FBN1: variants seen among roughly 807,000 people sequenced by gnomAD.
The protein encoded by FBN1 is fibrillin-1.
FBN1 carries 29 observed loss-of-function variants against 365.1 expected under a neutral mutation model. The ratio of observed to expected loss-of-function variants is 0.08; its 90% CI spans 0.06 to 0.11. FBN1 has a LOEUF of 0.11. Among genes scored for constraint, FBN1 ranks in the 10% least tolerant of loss-of-function variants. FBN1 has a pLI of 1.00. For synonymous variants in FBN1, 1,210 were observed against 1,270.5 expected (o/e 0.95, Z 1.01); for missense variants, 2,476 against 3,703.2 (o/e 0.67, Z 8.60).
At chr15:48,557,339 C>A (rs1566926484) in intron 6 of FBN1, among the ~76,000 whole-genome samples, 1 of 152,160 alleles carries the variant, frequency 6.6e-6, no homozygotes, top group Non-Finnish European at 1.5e-5. Flanking sequence ...CAAGTTTCCT[C>A]CTGGTCTAGT....
chr15:48,519,288 C>T (rs2043831199), intron 10 of FBN1, among the ~76,000 whole-genome samples: 1 of 152,142 alleles, frequency 6.6e-6, no homozygotes, highest in Non-Finnish European at 1.5e-5. Flanking sequence ...ATTCATTGTG[C>T]ACAACGTGAT....
intron 6 of FBN1, among the ~76,000 whole-genome samples, chr15:48,560,064 C>G (rs535964356): frequency 3.3e-5 from 5 of 152,102 alleles, no homozygotes; most frequent in South Asian, 2.1e-4. Flanking sequence ...CCACTAAAGG[C>G]GACTCAAATT....
intron 32 of FBN1, among the ~76,000 whole-genome samples, chr15:48,477,172 C>T (rs1417709769): frequency 6.6e-6 from 1 of 152,050 alleles, no homozygotes; most frequent in Non-Finnish European, 1.5e-5. Context: ...CTTTTACCTT[C>T]CATGTTTAAT....
chr15:48,607,808 G>A (rs2044626168), intron 4 of FBN1, among the ~76,000 whole-genome samples: 1 of 152,208 alleles, frequency 6.6e-6, no homozygotes, highest in African/African-American at 2.4e-5. Flanking sequence ...TTGAATGTGT[G>A]TATACACATA....
intron 27 of FBN1, 67 bp downstream of exon 27, chr15:48,488,046 G>C: frequency 6.2e-7 from 1 of 1,603,658 alleles, no homozygotes. Context: ...TGGAACATAG[G>C]CTATGAGCCA....
At chr15:48,506,887 AT>A (rs1181060538) in intron 15 of FBN1, among the ~76,000 whole-genome samples, 1 of 152,188 alleles carries the variant, frequency 6.6e-6, no homozygotes, top group African/African-American at 2.4e-5. Flanking sequence ...CTAGAAAAAA[AT>A]AAGACATTGA....
At chr15:48,600,260 C>G in intron 4 of FBN1, 26 bp from the exon 5 acceptor site, 3 of 1,567,856 alleles carry the variant, frequency 1.9e-6, no homozygotes, top group Non-Finnish European at 2.6e-6. Context: ...GAAGAATTCA[C>G]TTTTGCAACT....
At chr15:48,415,826 A>T in intron 63 of FBN1, 59 bp from the exon 64 acceptor site, 2 of 1,443,206 alleles carry the variant, frequency 1.4e-6, no homozygotes, top group African/African-American at 1.4e-5. Flanking sequence ...TATTGAGGAC[A>T]TTGGATCTGG....
In FBN1 at chr15:48,474,560, G is replaced by A; in HGVS notation, c.4055C>T (p.Pro1352Leu). 6.2e-7 allele frequency: 1 copy of A among 1,614,086 alleles called. No individual in the cohort carries two copies. Reference protein sequence around the residue: ...TAGSFKCSCSPGWIGDGIKCT... With the variant: ...TAGSFKCSCSLGWIGDGIKCT... Reference sequence around the variant, plus strand: ...CTTAATGCCATCTCCAATCCACCCGGGACTGCAGCTACATTTGAAGCTTCC... The same window carrying A: ...CTTAATGCCATCTCCAATCCACCCGAGACTGCAGCTACATTTGAAGCTTCC... Residue 1352 changes from proline to leucine, a missense_variant, in exon 33 of 66, where the codon CCC becomes CTC. Pro to Leu is a moderately conservative substitution (Grantham distance 98, BLOSUM62 -3). Transcript: ENST00000316623.
chr15:48,603,418 G>A (rs904449097), intron 4 of FBN1, among the ~76,000 whole-genome samples: 9 of 152,192 alleles, frequency 5.9e-5, no homozygotes, highest in Non-Finnish European at 1.2e-4. Flanking sequence ...AAAGCATTCC[G>A]ATAAAGGTGG....
chr15:48,475,616 T>G (rs2043412706), intron 32 of FBN1, among the ~76,000 whole-genome samples: 1 of 152,180 alleles, frequency 6.6e-6, no homozygotes, highest in African/African-American at 2.4e-5. Context: ...CAATCTTAGG[T>G]CAAGAAGAAC....
chr15:48,514,990 A>C (rs1485052434), intron 12 of FBN1, among the ~76,000 whole-genome samples: 1 of 152,222 alleles, frequency 6.6e-6, no homozygotes, highest in African/African-American at 2.4e-5. Context: ...CAGGTGGCCA[A>C]ATGCAGTCAC....
At chr15:48,554,088 A>C (rs2044162534) in intron 6 of FBN1, among the ~76,000 whole-genome samples, 1 of 152,236 alleles carries the variant, frequency 6.6e-6, no homozygotes, top group South Asian at 2.1e-4. Flanking sequence ...GGTGTTTCTG[A>C]TTCTAAAAGC....
At chr15:48,495,954 T>C (rs2043604647) in intron 20 of FBN1, 146 bp downstream of exon 20, 3 of 978,152 alleles carry the variant, frequency 3.1e-6, no homozygotes, top group South Asian at 2.9e-5. Flanking sequence ...ACAAAGTACA[T>C]ACTAGTGCCA....
rs1294825256 is a variant in FBN1 at position 48,483,886 on chromosome 15, A to T, written c.3770T>A (p.Ile1257Asn). ...ACACAAGCACCTGTACTCTCCAGGG[A>T]TATTTGTGCACTGACCACCATCACA... ...NICDGGQCTN[I>N]PGEYRCLCYD... The change falls in exon 31 of 66, where the codon ATC becomes AAC. Residue 1257 changes from isoleucine to asparagine, a missense_variant. Physicochemically the swap from Ile to Asn is moderately radical, Grantham distance 149. This residue lies in a region of FBN1 where 1,780 missense variants were observed against 2,840.8 expected (regional missense o/e 0.63). Coordinates refer to ENST00000316623, the MANE Select transcript of FBN1 (RefSeq NM_000138.5). 1.9e-6 allele frequency: 3 copies of T among 1,613,682 alleles called. No homozygotes were observed. In the East Asian group the frequency reaches 6.7e-5, roughly 36 times the overall value.
At chr15:48,461,641 A>C (rs1384689791) in intron 42 of FBN1, among the ~76,000 whole-genome samples, 1 of 152,212 alleles carries the variant, frequency 6.6e-6, no homozygotes, top group Non-Finnish European at 1.5e-5. Flanking sequence ...CCAACAGGTA[A>C]GTACCACCTA....
chr15:48,645,326 G>T (rs1234951576), intron 1 of FBN1, among the ~76,000 whole-genome samples: 1 of 152,172 alleles, frequency 6.6e-6, no homozygotes, highest in African/African-American at 2.4e-5. Flanking sequence ...AGCCAGCCGC[G>T]CCGTCCCCGC....
intron 46 of FBN1, among the ~76,000 whole-genome samples, chr15:48,448,066 A>G (rs1413284087): frequency 6.6e-6 from 1 of 152,182 alleles, no homozygotes; most frequent in Non-Finnish European, 1.5e-5. Context: ...TGGAGAAGAT[A>G]CAACTTTATG....
Position 48,503,914 on chromosome 15 carries a change from A to G in FBN1, c.1986T>C (p.Tyr662=). The G allele has an allele frequency of 6.2e-7, 1 of 1,614,212 alleles. No individual in the cohort carries two copies. The highest frequency in any genetic ancestry group is 8.5e-7 in the Non-Finnish European group (1 of 1,180,040). ...CVDTHMRSTC[Y]GGYKRGQCIK... ...TACACTGGCCTCTCTTGTATCCACC[A>G]TAGCATGTGCTCCGCATGTGTGTGT... The change falls in exon 17 of 66, where the codon TAT becomes TAC. Residue 662 remains tyrosine (Y), a synonymous_variant. Coordinates refer to ENST00000316623, the MANE Select transcript of FBN1 (RefSeq NM_000138.5).
Sources: gnomAD v4.1 joint callset for allele counts (sites outside exome capture counted in the v4.1 genomes callset) on GRCh38, gnomAD v4.1.1 for gene constraint, gnomAD v4.1.1 regional missense constraint, MANE v1.5 for transcripts, NCBI Gene and HGNC (gene_info 2026-07-23, HGNC 2026-07-21) for gene names.